Variants in KCNIP4 observed in about 807,000 individuals in gnomAD.
KCNIP4 encodes potassium voltage-gated channel interacting protein 4, also known as Kv channel-interacting protein 4.
Under a neutral mutation model 34.0 loss-of-function variants are expected in KCNIP4, and 12 were observed. The ratio of observed to expected loss-of-function variants is 0.35; its 90% CI spans 0.23 to 0.57. The LOEUF is 0.57. Ranked by LOEUF, KCNIP4 falls within the 20% of genes least tolerant of loss-of-function variation. The probability of loss-of-function intolerance (pLI) is 0.83; values close to 1 mark genes in which losing one functional copy is unlikely to be tolerated. For missense variants in KCNIP4, 238 were observed against 311.7 expected, an observed-to-expected ratio of 0.76 and a Z score of 1.78; for synonymous variants, 124 against 102.2, an observed-to-expected ratio of 1.21 and a Z score of -1.29.
At chr4:21,057,696 A>G (rs1743544203) in intron 1 of KCNIP4, among the ~76,000 whole-genome samples, 1 of 152,198 alleles carries the variant, frequency 6.6e-6, no homozygotes, top group African/African-American at 2.4e-5. Flanking sequence ...GTCGTCTTTG[A>G]GGTGAGAATT....
chr4:21,071,035 C>T (rs924544041), intron 1 of KCNIP4, among the ~76,000 whole-genome samples: 6 of 151,898 alleles, frequency 4.0e-5, no homozygotes, highest in Admixed American at 3.3e-4. Flanking sequence ...TGTAGTTTAT[C>T]AATATCTTCT....
At chr4:21,209,943 C>A (rs1757110552) in intron 1 of KCNIP4, among the ~76,000 whole-genome samples, 1 of 152,100 alleles carries the variant, frequency 6.6e-6, no homozygotes, top group Non-Finnish European at 1.5e-5. Flanking sequence ...ATAAACAGAG[C>A]ATTGTTCATG....
intron 8 of KCNIP4, among the ~76,000 whole-genome samples, chr4:20,731,011 T>A (rs1190533347): frequency 6.6e-6 from 1 of 152,158 alleles, no homozygotes; most frequent in African/African-American, 2.4e-5. Flanking sequence ...AGAACAACAA[T>A]TTAAAAATAA....
intron 3 of KCNIP4, among the ~76,000 whole-genome samples, chr4:20,808,390 G>C (rs549224536): frequency 1.1e-4 from 16 of 152,196 alleles, no homozygotes; most frequent in Non-Finnish European, 2.2e-4. Context: ...TGACATTCAT[G>C]TCAGTAGGTG....
chr4:21,321,783 G>GGA (rs1714469437), intron 1 of KCNIP4, among the ~76,000 whole-genome samples: 1 of 143,362 alleles, frequency 7.0e-6, no homozygotes, highest in African/African-American at 2.7e-5. Context: ...GGGAGGGAGA[G>GGA]AGGAAGGAAG....
At chr4:21,904,745 G>A (rs192273101) in intron 1 of KCNIP4, among the ~76,000 whole-genome samples, 10 of 152,180 alleles carry the variant, frequency 6.6e-5, no homozygotes, top group Admixed American at 6.6e-4. Flanking sequence ...TTTTGTGGTA[G>A]GGGGTTGTCT....
chr4:21,006,826 A>G (rs762685981), intron 1 of KCNIP4, among the ~76,000 whole-genome samples: 5 of 152,164 alleles, frequency 3.3e-5, no homozygotes, highest in Non-Finnish European at 7.3e-5. Flanking sequence ...TTGTATTGTC[A>G]TGGCGGACCT....
intron 1 of KCNIP4, among the ~76,000 whole-genome samples, chr4:21,646,788 A>T (rs1159330444): frequency 6.6e-6 from 1 of 152,220 alleles, no homozygotes; most frequent in Non-Finnish European, 1.5e-5. Flanking sequence ...TCTATGGCAA[A>T]TCAATCACAT....
intron 1 of KCNIP4, among the ~76,000 whole-genome samples, chr4:21,736,301 A>G (rs1715987467): frequency 6.6e-6 from 1 of 152,156 alleles, no homozygotes; most frequent in Non-Finnish European, 1.5e-5. Context: ...GAACCACTAT[A>G]CTAGCCACCT....
At chr4:21,272,680 G>A (rs1035599583) in intron 1 of KCNIP4, among the ~76,000 whole-genome samples, 1 of 152,146 alleles carries the variant, frequency 6.6e-6, no homozygotes, top group Non-Finnish European at 1.5e-5. Flanking sequence ...GTTTAATTCA[G>A]CTCAACAATT....
intron 1 of KCNIP4, among the ~76,000 whole-genome samples, chr4:21,568,157 A>G (rs1001093324): frequency 4.6e-5 from 7 of 152,268 alleles, no homozygotes; most frequent in Admixed American, 3.9e-4. Flanking sequence ...TGTGAACTTA[A>G]TAAGTGACAA....
At chr4:20,917,916 A>G (rs1182775353) in intron 1 of KCNIP4, among the ~76,000 whole-genome samples, 1 of 152,150 alleles carries the variant, frequency 6.6e-6, no homozygotes, top group East Asian at 1.9e-4. Context: ...AACGTGTCCA[A>G]CTTGGCCTTC....
chr4:21,796,191 G>T (rs1318619869), intron 1 of KCNIP4, among the ~76,000 whole-genome samples: 1 of 152,130 alleles, frequency 6.6e-6, no homozygotes, highest in Non-Finnish European at 1.5e-5. Flanking sequence ...TTTCTCATGG[G>T]ATGTTATAGA....
intron 3 of KCNIP4, among the ~76,000 whole-genome samples, chr4:20,762,606 T>G (rs1169194712): frequency 6.6e-6 from 1 of 152,256 alleles, no homozygotes; most frequent in African/African-American, 2.4e-5. Flanking sequence ...CTATCAAGAA[T>G]GAATTTGGCC....
chr4:21,858,852 A>G (rs1228698893), intron 1 of KCNIP4, among the ~76,000 whole-genome samples: 2 of 152,214 alleles, frequency 1.3e-5, no homozygotes, highest in Admixed American at 1.3e-4. Flanking sequence ...TGTGGCTGTT[A>G]GCTGAAACCA....
At chr4:20,821,483 T>G (rs1417656776) in intron 3 of KCNIP4, among the ~76,000 whole-genome samples, 1 of 152,120 alleles carries the variant, frequency 6.6e-6, no homozygotes, top group Non-Finnish European at 1.5e-5. Flanking sequence ...TGGACATTAT[T>G]TTTATTTTTT....
At chr4:21,195,942 GAAGCAGT>G (rs533907261) in intron 1 of KCNIP4, among the ~76,000 whole-genome samples, 310 of 152,270 alleles carry the variant, frequency 2.0e-3, no homozygotes, top group Non-Finnish European at 3.7e-3. Context: ...TTCCTGCAAG[GAAGCAGT>G]CAGCGACCAG....
intron 5 of KCNIP4, among the ~76,000 whole-genome samples, chr4:20,748,589 TA>T (rs1157314057): frequency 1.4e-4 from 12 of 85,122 alleles, no homozygotes; most frequent in African/African-American, 2.1e-4. Flanking sequence ...TATATATATA[TA>T]TATATATATA....
At chr4:21,182,819 C>G (rs1754941623) in intron 1 of KCNIP4, among the ~76,000 whole-genome samples, 1 of 151,854 alleles carries the variant, frequency 6.6e-6, no homozygotes, top group Non-Finnish European at 1.5e-5. Context: ...ACGTATGCAT[C>G]ATGGAATGGT....
Sources: gnomAD v4.1 joint callset for allele counts (sites outside exome capture counted in the v4.1 genomes callset) on GRCh38, gnomAD v4.1.1 for gene constraint, MANE v1.5 for transcripts, NCBI Gene and HGNC (gene_info 2026-07-23, HGNC 2026-07-21) for gene names.